The following PPP2R2B variants were observed in gnomAD, a reference collection of about 807,000 sequenced individuals.
PPP2R2B encodes serine/threonine-protein phosphatase 2A 55 kDa regulatory subunit B beta isoform.
In PPP2R2B, 5 loss-of-function variants were observed where a neutral mutation model predicts 46.0. The observed-to-expected ratio is 0.11, with a 90% CI of 0.06 to 0.23. The LOEUF (loss-of-function observed/expected upper bound fraction) is 0.23. Among genes scored for constraint, PPP2R2B ranks in the 10% least tolerant of loss-of-function variants. PPP2R2B has a pLI of 1.00. For missense variants in PPP2R2B, 367 were observed against 575.0 expected, an observed-to-expected ratio of 0.64 and a Z score of 3.70; for synonymous variants, 215 against 206.7, an observed-to-expected ratio of 1.04 and a Z score of -0.34.
chr5:146,654,945 ACC>A (rs1441135770), intron 5 of PPP2R2B, among the ~76,000 whole-genome samples: 7 of 152,144 alleles, frequency 4.6e-5, no homozygotes, highest in African/African-American at 1.7e-4. Flanking sequence ...CTCAGTTCAA[ACC>A]TTGTCTGAGC....
At chr5:146,703,621 C>T (rs2151170584) in intron 2 of PPP2R2B, among the ~76,000 whole-genome samples, 1 of 152,316 alleles carries the variant, frequency 6.6e-6, no homozygotes, top group Non-Finnish European at 1.5e-5. Context: ...CCAAGGGCAA[C>T]ACTTGCTTTC....
chr5:146,844,627 A>C (rs964313734), intron 2 of PPP2R2B, among the ~76,000 whole-genome samples: 1 of 152,220 alleles, frequency 6.6e-6, no homozygotes, highest in African/African-American at 2.4e-5. Context: ...TTGAAAACAA[A>C]TTTAAGATTC....
chr5:146,843,232 G>C (rs1205672022), intron 2 of PPP2R2B, among the ~76,000 whole-genome samples: 2 of 152,180 alleles, frequency 1.3e-5, no homozygotes, highest in African/African-American at 2.4e-5. Context: ...AGTGAATAAT[G>C]ATCAATTTGG....
At chr5:146,654,765 A>G (rs1776209817) in intron 5 of PPP2R2B, among the ~76,000 whole-genome samples, 1 of 152,172 alleles carries the variant, frequency 6.6e-6, no homozygotes, top group African/African-American at 2.4e-5. Context: ...CACCTTGTCC[A>G]TGGTCACCCT....
At position 146,890,975 on chromosome 5, in the gene PPP2R2B, G is replaced by A. The variant is rs535998279; in HGVS notation, c.79+164690C>T. 5.5e-4 allele frequency among the ~76,000 whole-genome samples: 84 copies of A among 152,146 alleles called. 1 individual carries two copies. Among genetic ancestry groups the A allele is most frequent in the South Asian group, 3.7e-3 (18 of 4,812 alleles). ...AGATAGGAAGAAAAAGAGAGAGAGA[G>A]AAAAAAATAAGGCCTGGGTCCAAAG... On this transcript the variant is annotated intron_variant, in intron 1 of 8. Transcript: ENST00000336640.
chr5:146,658,189 T>C (rs904467160), intron 5 of PPP2R2B, among the ~76,000 whole-genome samples: 2 of 152,140 alleles, frequency 1.3e-5, no homozygotes, highest in Admixed American at 6.5e-5. Context: ...ATCCTAGGTA[T>C]ACGGAAACCC....
At chr5:146,685,783 C>T (rs1246070984) in intron 5 of PPP2R2B, among the ~76,000 whole-genome samples, 1 of 152,108 alleles carries the variant, frequency 6.6e-6, no homozygotes, top group Non-Finnish European at 1.5e-5. Context: ...CAGAAACAGC[C>T]ATTGTGTAAA....
At chr5:146,806,319 T>C (rs1757174280) in intron 2 of PPP2R2B, among the ~76,000 whole-genome samples, 1 of 152,190 alleles carries the variant, frequency 6.6e-6, no homozygotes, top group Non-Finnish European at 1.5e-5. Flanking sequence ...TTCTCCCTGA[T>C]AGTTTGATGC....
intron 1 of PPP2R2B, among the ~76,000 whole-genome samples, chr5:147,049,450 G>T (rs1173953135): frequency 6.6e-6 from 1 of 152,076 alleles, no homozygotes; most frequent in African/African-American, 2.4e-5. Flanking sequence ...AGGTTGGCTA[G>T]GAAGTTGGAT....
chr5:146,802,520 CATA>C (rs1561919002), intron 2 of PPP2R2B, among the ~76,000 whole-genome samples: 1 of 152,144 alleles, frequency 6.6e-6, no homozygotes, highest in Non-Finnish European at 1.5e-5. Context: ...TCCAAGGGAG[CATA>C]ATGAGTTATG....
At chr5:146,690,554 A>G (rs960757643) in intron 5 of PPP2R2B, among the ~76,000 whole-genome samples, 9 of 152,174 alleles carry the variant, frequency 5.9e-5, no homozygotes, top group African/African-American at 1.9e-4. Flanking sequence ...GAGATCATAT[A>G]TTGAGGACCA....
At chr5:146,718,461 A>G (rs1780617559) in intron 2 of PPP2R2B, among the ~76,000 whole-genome samples, 1 of 152,114 alleles carries the variant, frequency 6.6e-6, no homozygotes, top group South Asian at 2.1e-4. Flanking sequence ...ATATCCTCTA[A>G]TGTTGTTCTT....
chr5:146,623,733 G>A (rs1273746468), intron 7 of PPP2R2B, among the ~76,000 whole-genome samples: 2 of 152,184 alleles, frequency 1.3e-5, no homozygotes, highest in Middle Eastern at 3.2e-3. Flanking sequence ...ATCATTATGA[G>A]CTTCGTGGGG....
chr5:146,802,804 C>G (rs970384322), intron 2 of PPP2R2B, among the ~76,000 whole-genome samples: 1 of 152,130 alleles, frequency 6.6e-6, no homozygotes, highest in African/African-American at 2.4e-5. Context: ...AAAAGGAGAT[C>G]AAGCCTTTAA....
intron 1 of PPP2R2B, among the ~76,000 whole-genome samples, chr5:147,007,447 C>A (rs1754496289): frequency 6.6e-6 from 1 of 152,134 alleles, no homozygotes; most frequent in African/African-American, 2.4e-5. Flanking sequence ...CCAATCAGCA[C>A]TCTGTAAAAT....
At chr5:146,804,957 C>T (rs1389375223) in intron 2 of PPP2R2B, among the ~76,000 whole-genome samples, 2 of 152,102 alleles carry the variant, frequency 1.3e-5, no homozygotes, top group South Asian at 2.1e-4. Context: ...TATAATTTCT[C>T]AAACTCCAAG....
At chr5:146,797,593 C>T (rs371782695) in intron 2 of PPP2R2B, among the ~76,000 whole-genome samples, 6 of 152,206 alleles carry the variant, frequency 3.9e-5, no homozygotes, top group African/African-American at 1.2e-4. Context: ...TTTGTAACCT[C>T]GTGCTTAAAG....
At chr5:146,594,973 T>C (rs753647900) in intron 8 of PPP2R2B, among the ~76,000 whole-genome samples, 66 of 152,242 alleles carry the variant, frequency 4.3e-4, no homozygotes, top group Non-Finnish European at 6.5e-4. Context: ...TTCAGGCTCT[T>C]AGTCTTGGGC....
chr5:146,821,116 TA>T (rs1758234367), intron 2 of PPP2R2B, among the ~76,000 whole-genome samples: 1 of 151,930 alleles, frequency 6.6e-6, no homozygotes, highest in Non-Finnish European at 1.5e-5. Flanking sequence ...CCTTCTCACA[TA>T]CTAAAAAATA....
Sources: allele counts gnomAD v4.1 joint callset (sites outside exome capture counted in the v4.1 genomes callset), GRCh38; gene constraint gnomAD v4.1.1; transcripts MANE v1.5; gene names NCBI Gene and HGNC (gene_info 2026-07-23, HGNC 2026-07-21).